MLLT10: variants seen among roughly 807,000 people sequenced by gnomAD.
MLLT10 encodes the protein protein AF-10.
A neutral mutation model predicts 129.1 loss-of-function variants in MLLT10; 30 were observed. The ratio of observed to expected loss-of-function variants is 0.23; its 90% CI spans 0.17 to 0.32. The LOEUF is 0.32. MLLT10 is among the 10% of genes least tolerant of loss of function. The pLI is 1.00. For missense variants in MLLT10, 1,119 were observed against 1,268.3 expected, an observed-to-expected ratio of 0.88 and a Z score of 1.79; for synonymous variants, 490 against 446.4, an observed-to-expected ratio of 1.10 and a Z score of -1.23.
chr10:21,588,618 C>T (rs1341531613), intron 4 of MLLT10, among the ~76,000 whole-genome samples: 1 of 151,972 alleles, frequency 6.6e-6, no homozygotes, highest in Non-Finnish European at 1.5e-5. Flanking sequence ...TGTAGTTTTA[C>T]CAATATATGT....
intron 3 of MLLT10, among the ~76,000 whole-genome samples, chr10:21,549,313 T>C (rs561891770): frequency 1.1e-4 from 17 of 152,098 alleles, no homozygotes; most frequent in African/African-American, 3.9e-4. Flanking sequence ...TTAGTAGAGA[T>C]GGGGTTTCAC....
intron 8 of MLLT10, among the ~76,000 whole-genome samples, chr10:21,638,657 T>A (rs1008642937): frequency 1.3e-5 from 2 of 152,090 alleles, no homozygotes; most frequent in Non-Finnish European, 2.9e-5. Context: ...CATCACTATT[T>A]AAAAAAATAA....
In MLLT10 at chr10:21,542,562, C is replaced by CT. The variant is rs150398257; in HGVS notation, c.240+3651dup. 1.1e-3 allele frequency among the ~76,000 whole-genome samples: 161 copies of CT among 152,240 alleles called. 4 individuals carry two copies. The East Asian group carries it at 0.027, about 26-fold the overall frequency. Reference sequence around the variant, plus strand: ...TCCATCTTGGGCAATGAGTGAAACTCTGTCTCAAAAAAATATATATATATT... The same window carrying CT: ...TCCATCTTGGGCAATGAGTGAAACTCTTGTCTCAAAAAAATATATATATATT... On this transcript the variant is annotated intron_variant, in intron 3 of 22. Transcript: ENST00000307729.
intron 13 of MLLT10, among the ~76,000 whole-genome samples, chr10:21,694,078 T>C (rs1172581714): frequency 1.3e-5 from 2 of 152,192 alleles, no homozygotes; most frequent in Non-Finnish European, 2.9e-5. Context: ...CATGGAAAAA[T>C]TGCAAGTATA....
At chr10:21,646,503 T>G (rs2048490033) in intron 8 of MLLT10, among the ~76,000 whole-genome samples, 1 of 152,048 alleles carries the variant, frequency 6.6e-6, no homozygotes, top group African/African-American at 2.4e-5. Context: ...GTTTTGGTTA[T>G]GTTTTTTTGG....
intron 13 of MLLT10, among the ~76,000 whole-genome samples, chr10:21,691,015 A>G (rs2053796032): frequency 6.6e-6 from 1 of 152,206 alleles, no homozygotes; most frequent in Non-Finnish European, 1.5e-5. Flanking sequence ...AACTGCCAAG[A>G]ATGCCAAATG....
intron 8 of MLLT10, among the ~76,000 whole-genome samples, chr10:21,622,627 G>A (rs1027517341): frequency 6.6e-6 from 1 of 152,184 alleles, no homozygotes; most frequent in Non-Finnish European, 1.5e-5. Flanking sequence ...TCTAATATTT[G>A]TTATGCCTGT....
At chr10:21,609,239 CT>C (rs2044360761) in intron 5 of MLLT10, among the ~76,000 whole-genome samples, 1 of 152,106 alleles carries the variant, frequency 6.6e-6, no homozygotes, top group South Asian at 2.1e-4. Flanking sequence ...TCACTCTTTC[CT>C]TTTGGAGGTG....
intron 13 of MLLT10, among the ~76,000 whole-genome samples, chr10:21,704,016 G>GTT (rs60982595): frequency 0.38 from 21,218 of 56,488 alleles, 5,622 homozygotes; most frequent in East Asian, 0.58. Flanking sequence ...ATTGTTTTTT[G>GTT]TTTTTTTTTT....
In MLLT10 at chr10:21,693,944, G is replaced by C. The variant is rs1256582448; in HGVS notation, c.1699+11687G>C. ...TAGTGAACATGTTGTTTTCAAGTTT[G>C]AATTCTTTGAAGTCTCTTTTAAAAT... On this transcript the variant is annotated intron_variant, in intron 13 of 22. Coordinates refer to ENST00000307729, the MANE Select transcript of MLLT10 (RefSeq NM_001195626.3). Among the ~76,000 whole-genome samples the C allele has an allele frequency of 2.6e-5, 4 of 151,986 alleles. No individual in the cohort carries two copies. In the East Asian group the frequency reaches 5.8e-4, roughly 22 times the overall value.
Position 21,688,492 on chromosome 10 carries a change from C to T in MLLT10, c.1699+6235C>T, listed in dbSNP as rs559356596. 2.0e-5 allele frequency: 33 copies of T among 1,610,970 alleles called. No individual in the cohort carries two copies. In the East Asian group the frequency reaches 3.3e-4, roughly 16 times the overall value. On this transcript the variant is annotated intron_variant, in intron 13 of 22. Coordinates refer to ENST00000307729, the MANE Select transcript of MLLT10 (RefSeq NM_001195626.3). ...AATTAAAGTGTGTCTTTTCTTTAGA[C>T]AGAGGTGACAGTTCTACACTAACAA...
chr10:21,661,624 T>C (rs1227772489), intron 9 of MLLT10: 4 of 152,212 alleles, frequency 2.6e-5, no homozygotes, highest in African/African-American at 9.7e-5. Flanking sequence ...ATTTCCTTTT[T>C]ATTTATTTAC....
intron 9 of MLLT10, among the ~76,000 whole-genome samples, chr10:21,667,367 G>T (rs180822598): frequency 0.036 from 5,009 of 139,502 alleles, 238 homozygotes; most frequent in African/African-American, 0.12. Flanking sequence ...AACTGTGGGG[G>T]TTTTTTTTTT....
At position 21,717,804 on chromosome 10, in the gene MLLT10, T is replaced by TCTTCTTCTC. The variant is rs2056817396; in HGVS notation, c.1878+3866_1878+3874dup. Among the ~76,000 whole-genome samples, 4 of 127,688 alleles carry TCTTCTTCTC rather than the reference T, an allele frequency of 3.1e-5. No individual in the cohort carries two copies. The South Asian group carries it at 8.0e-4, about 26-fold the overall frequency. 83.8% of individuals were successfully genotyped at this position (127,688 alleles called of 152,430 possible). A position where few individuals can be genotyped will look rare whatever the true frequency, so the allele number is the denominator to read the frequency against. ...TGCTTCTTCTTCTTCTTCTTCTCCT[T>TCTTCTTCTC]CTTCTTCTCCTTCTTCTCCTCCTTC... is the stretch of plus-strand genomic sequence containing the variant. On this transcript the variant is annotated intron_variant, in intron 14 of 22. Transcript: ENST00000307729.
chr10:21,552,193 T>G (rs1203465722), intron 3 of MLLT10, among the ~76,000 whole-genome samples: 1 of 152,020 alleles, frequency 6.6e-6, no homozygotes, highest in African/African-American at 2.4e-5. Flanking sequence ...CCCAAAGTAC[T>G]GGGACTACAG....
chr10:21,603,062 C>CT (rs1301516475), intron 5 of MLLT10, among the ~76,000 whole-genome samples: 55 of 145,294 alleles, frequency 3.8e-4, no homozygotes, highest in Admixed American at 5.5e-4. Flanking sequence ...AAATTTTTTT[C>CT]TTTTTTTTTT....
At chr10:21,624,949 TTGG>T in intron 8 of MLLT10, 3 of 1,310,488 alleles carry the variant, frequency 2.3e-6, no homozygotes, top group Non-Finnish European at 3.2e-6. Flanking sequence ...CCCCTCCCCC[TTGG>T]TGGTGGTGAA....
chr10:21,674,540 TGATATA>T (rs1430402351), intron 11 of MLLT10, among the ~76,000 whole-genome samples: 1 of 152,216 alleles, frequency 6.6e-6, no homozygotes, highest in African/African-American at 2.4e-5. Flanking sequence ...ACAAGTGAGT[TGATATA>T]CATTGTTATT....
intron 21 of MLLT10, among the ~76,000 whole-genome samples, chr10:21,737,636 AAG>A (rs2058480870): frequency 2.6e-5 from 4 of 152,218 alleles, no homozygotes; most frequent in Middle Eastern, 3.4e-3. Context: ...ACGGTTAGAT[AAG>A]AGGGGAGATG....
Sources: gnomAD v4.1 joint callset for allele counts (sites outside exome capture counted in the v4.1 genomes callset) on GRCh38, gnomAD v4.1.1 for gene constraint, MANE v1.5 for transcripts, NCBI Gene and HGNC (gene_info 2026-07-23, HGNC 2026-07-21) for gene names.